NAALADL2: variants seen among roughly 807,000 people sequenced by gnomAD.
NAALADL2 encodes N-acetylated alpha-linked acidic dipeptidase like 2, also known as inactive N-acetylated-alpha-linked acidic dipeptidase-like protein 2.
NAALADL2 carries 76 observed loss-of-function variants against 87.2 expected under a neutral mutation model. That is an observed-to-expected ratio of 0.87 (90% CI 0.72 to 1.05). The LOEUF (loss-of-function observed/expected upper bound fraction) is 1.05. Among genes scored for constraint, NAALADL2 ranks in the 50% least tolerant of loss-of-function variants. The probability of loss-of-function intolerance (pLI) is 0.00; values close to 1 mark genes in which losing one functional copy is unlikely to be tolerated. For missense variants in NAALADL2, 1,089 were observed against 945.8 expected (o/e 1.15, Z -1.99); for synonymous variants, 354 against 331.0 (o/e 1.07, Z -0.75).
chr3:174,769,751 TAA>T (rs1714292272), intron 3 of NAALADL2, among the ~76,000 whole-genome samples: 1 of 151,442 alleles, frequency 6.6e-6, no homozygotes, highest in Non-Finnish European at 1.5e-5. Context: ...TGAAAACAAT[TAA>T]AAGTTTTTTT....
chr3:174,499,708 A>C (rs190161580), intron 1 of NAALADL2, among the ~76,000 whole-genome samples: 21 of 151,960 alleles, frequency 1.4e-4, no homozygotes, highest in Non-Finnish European at 7.4e-5. Flanking sequence ...TCTTTTTTTT[A>C]ATTGGTAAAG....
chr3:175,119,470 T>G (rs1725785096), intron 2 of NAALADL2, among the ~76,000 whole-genome samples: 1 of 150,858 alleles, frequency 6.6e-6, no homozygotes, highest in East Asian at 1.9e-4. Flanking sequence ...GACTATAGGA[T>G]GTAGAGGCAA....
chr3:175,044,930 ATT>A (rs5854607), intron 1 of NAALADL2, among the ~76,000 whole-genome samples: 169 of 143,872 alleles, frequency 1.2e-3, no homozygotes, highest in East Asian at 5.1e-3. Flanking sequence ...GCAATTTCTG[ATT>A]TTTTTTTTTT....
intron 1 of NAALADL2, among the ~76,000 whole-genome samples, chr3:174,896,580 T>C (rs981817136): frequency 2.6e-5 from 4 of 152,188 alleles, no homozygotes; most frequent in Admixed American, 2.0e-4. Context: ...ATTGTTAAAG[T>C]GTCCATACTA....
intron 5 of NAALADL2, among the ~76,000 whole-genome samples, chr3:175,355,335 G>C (rs1764249751): frequency 6.6e-6 from 1 of 152,066 alleles, no homozygotes; most frequent in Non-Finnish European, 1.5e-5. Context: ...CTCCCAAAGT[G>C]CTGTGATTAC....
intron 2 of NAALADL2, among the ~76,000 whole-genome samples, chr3:175,137,047 T>G (rs1729217734): frequency 6.6e-6 from 1 of 152,270 alleles, no homozygotes; most frequent in South Asian, 2.1e-4. Context: ...TTTGTTGAAA[T>G]TGACCCCTTA....
intron 1 of NAALADL2, among the ~76,000 whole-genome samples, chr3:175,040,481 A>G (rs1753937257): frequency 6.6e-6 from 1 of 152,170 alleles, no homozygotes; most frequent in Non-Finnish European, 1.5e-5. Context: ...GGCCGTTTCC[A>G]TAAAGTGTCA....
intron 12 of NAALADL2, among the ~76,000 whole-genome samples, chr3:175,737,721 T>TTTG (rs1196464051): frequency 2.9e-5 from 4 of 137,698 alleles, no homozygotes; most frequent in Non-Finnish European, 6.2e-5. Context: ...CCAGTTTTTT[T>TTTG]TTTTTTTTTT....
chr3:174,471,005 A>G (rs1236414605), intron 1 of NAALADL2, among the ~76,000 whole-genome samples: 1 of 152,050 alleles, frequency 6.6e-6, no homozygotes, highest in African/African-American at 2.4e-5. Context: ...TTTCTTATGA[A>G]GAATTCCTAG....
intron 1 of NAALADL2, among the ~76,000 whole-genome samples, chr3:174,498,662 A>G (rs548037144): frequency 1.3e-5 from 2 of 151,318 alleles, no homozygotes; most frequent in Non-Finnish European, 3.0e-5. Context: ...TTTTAAATGA[A>G]CTATCAAACT....
At chr3:175,580,571 G>A (rs770863821) in intron 10 of NAALADL2, among the ~76,000 whole-genome samples, 36 of 150,764 alleles carry the variant, frequency 2.4e-4, no homozygotes, top group East Asian at 7.7e-4. Flanking sequence ...CTGTGTATAC[G>A]TTCTACTGAT....
intron 2 of NAALADL2, among the ~76,000 whole-genome samples, chr3:175,169,630 T>C (rs533235515): frequency 2.6e-4 from 39 of 151,886 alleles, no homozygotes; most frequent in Admixed American, 7.9e-4. Context: ...TGAGTTTTTA[T>C]CCGTTTTTAT....
chr3:175,155,929 A>T (rs1732248701), intron 2 of NAALADL2, among the ~76,000 whole-genome samples: 1 of 152,216 alleles, frequency 6.6e-6, no homozygotes, highest in African/African-American at 2.4e-5. Context: ...GCACTGAGAA[A>T]AAAACAAATG....
At chr3:174,630,014 G>A (rs9859144) in intron 2 of NAALADL2, among the ~76,000 whole-genome samples, 5 of 151,952 alleles carry the variant, frequency 3.3e-5, no homozygotes, top group African/African-American at 4.8e-5. Flanking sequence ...TTTGGGGCAG[G>A]TTTATGTATA....
intron 1 of NAALADL2, among the ~76,000 whole-genome samples, chr3:174,483,392 C>T (rs545474246): frequency 6.6e-6 from 1 of 151,852 alleles, no homozygotes; most frequent in East Asian, 2.0e-4. Flanking sequence ...ATAAGACCAT[C>T]ACATCTCGTG....
chr3:175,653,628 C>T (rs1463518229), intron 11 of NAALADL2, among the ~76,000 whole-genome samples: 1 of 152,118 alleles, frequency 6.6e-6, no homozygotes, highest in African/African-American at 2.4e-5. Context: ...CCTTGATTGG[C>T]TCTGTCATAA....
intron 13 of NAALADL2, among the ~76,000 whole-genome samples, chr3:175,787,773 AAG>A (rs1425837546): frequency 6.6e-6 from 1 of 152,230 alleles, no homozygotes; most frequent in African/African-American, 2.4e-5. Flanking sequence ...ATATAAAAAA[AAG>A]AAAATATTTT....
At chr3:175,747,125 C>T (rs1164606521) in intron 12 of NAALADL2, among the ~76,000 whole-genome samples, 1 of 152,174 alleles carries the variant, frequency 6.6e-6, no homozygotes, top group African/African-American at 2.4e-5. Flanking sequence ...GTCTTCAAAA[C>T]TAGTTTTTCT....
chr3:174,658,490 A>AT (rs1175047082), intron 2 of NAALADL2, among the ~76,000 whole-genome samples: 3 of 151,790 alleles, frequency 2.0e-5, no homozygotes, highest in Admixed American at 6.6e-5. Flanking sequence ...GTTTTTAGAA[A>AT]TTTTTTTGTA....
Sources: allele counts gnomAD v4.1 joint callset (sites outside exome capture counted in the v4.1 genomes callset), GRCh38; gene constraint gnomAD v4.1.1; transcripts MANE v1.5; gene names NCBI Gene and HGNC (gene_info 2026-07-23, HGNC 2026-07-21).